The following AUTS2 variants were observed in gnomAD, a reference collection of about 807,000 sequenced individuals.
AUTS2 encodes the protein autism susceptibility gene 2 protein.
In AUTS2, 17 loss-of-function variants were observed where a neutral mutation model predicts 112.4. That is an observed-to-expected ratio of 0.15 (90% confidence interval 0.10 to 0.23). The LOEUF (loss-of-function observed/expected upper bound fraction) is 0.23. AUTS2 is among the 10% of genes least tolerant of loss of function. AUTS2 has a pLI of 1.00. For synonymous variants in AUTS2, 751 were observed against 702.7 expected (o/e 1.07, Z -1.09); for missense variants, 1,510 against 1,701.6 (o/e 0.89, Z 1.98).
chr7:69,741,704 T>TAAAAAAAAAAAAAAAAAAAAA (rs112536740), intron 1 of AUTS2, among the ~76,000 whole-genome samples: 1 of 140,240 alleles, frequency 7.1e-6, no homozygotes. Context: ...AACCCTGTCT[T>TAAAAAAAAAAAAAAAAAAAAA]AAAAAAAAAA....
intron 1 of AUTS2, among the ~76,000 whole-genome samples, chr7:69,667,289 T>C (rs569591517): frequency 6.6e-6 from 1 of 152,138 alleles, no homozygotes; most frequent in African/African-American, 2.4e-5. Flanking sequence ...TCAATGTGAG[T>C]TTTGGAGCAG....
intron 1 of AUTS2, among the ~76,000 whole-genome samples, chr7:69,700,284 G>C (rs551858932): frequency 6.6e-6 from 1 of 151,640 alleles, no homozygotes; most frequent in Non-Finnish European, 1.5e-5. Context: ...CAACAGTCTG[G>C]TTATATTTCT....
intron 4 of AUTS2, among the ~76,000 whole-genome samples, chr7:70,380,464 C>G (rs906199298): frequency 2.6e-5 from 4 of 152,216 alleles, no homozygotes; most frequent in Non-Finnish European, 5.9e-5. Context: ...ACCGCAAAAG[C>G]AGTCCCCCTT....
At chr7:69,760,684 G>T (rs1172913813) in intron 1 of AUTS2, among the ~76,000 whole-genome samples, 1 of 152,142 alleles carries the variant, frequency 6.6e-6, no homozygotes, top group Non-Finnish European at 1.5e-5. Context: ...AGCTGGGCGT[G>T]GTGGCACAAG....
intron 9 of AUTS2, among the ~76,000 whole-genome samples, chr7:70,767,061 T>C (rs1329376981): frequency 6.6e-6 from 1 of 152,218 alleles, no homozygotes; most frequent in African/African-American, 2.4e-5. Context: ...CATATTAGAA[T>C]GCTAAATATT....
intron 1 of AUTS2, among the ~76,000 whole-genome samples, chr7:69,787,138 A>G (rs1789413033): frequency 6.6e-6 from 1 of 152,240 alleles, no homozygotes; most frequent in Non-Finnish European, 1.5e-5. Context: ...ATGGTTTTCC[A>G]AGACTCTTGA....
At position 69,693,575 on chromosome 7, in the gene AUTS2, C is replaced by T. The variant is rs984275907; in HGVS notation, c.309+93613C>T. 5.3e-5 allele frequency among the ~76,000 whole-genome samples: 8 copies of T among 152,254 alleles called. No individual in the cohort carries two copies. In the South Asian group the frequency reaches 1.7e-3, roughly 32 times the overall value. ...ACCTTTTCTTTTACCTTTAAGATTC[C>T]TGCATTTTCATGTGCTCATTCAGCT... On this transcript the variant is annotated intron_variant, in intron 1 of 18. Transcript: ENST00000342771.
intron 1 of AUTS2, among the ~76,000 whole-genome samples, chr7:69,639,164 C>T (rs1341235529): frequency 6.6e-6 from 1 of 152,168 alleles, no homozygotes; most frequent in Admixed American, 6.5e-5. Context: ...ATACTGTACT[C>T]TTAGGTTCCA....
chr7:70,516,341 G>A (rs566614200), intron 5 of AUTS2, among the ~76,000 whole-genome samples: 4 of 152,270 alleles, frequency 2.6e-5, no homozygotes, highest in African/African-American at 9.6e-5. Flanking sequence ...TCAGTTTCCG[G>A]CATGGTACTG....
intron 6 of AUTS2, among the ~76,000 whole-genome samples, chr7:70,710,921 A>G (rs1428154755): frequency 6.6e-6 from 1 of 152,250 alleles, no homozygotes; most frequent in Non-Finnish European, 1.5e-5. Flanking sequence ...GCCCTGTATA[A>G]TGACCTCTTC....
intron 5 of AUTS2, among the ~76,000 whole-genome samples, chr7:70,441,926 T>G (rs1796137345): frequency 6.6e-6 from 1 of 152,194 alleles, no homozygotes; most frequent in Admixed American, 6.6e-5. Context: ...TGGTTGGCCA[T>G]GTTTCACACT....
At chr7:70,184,799 T>C (rs556591859) in intron 4 of AUTS2, among the ~76,000 whole-genome samples, 1 of 152,298 alleles carries the variant, frequency 6.6e-6, no homozygotes, top group East Asian at 1.9e-4. Context: ...CTGAGGAAAC[T>C]ATGCCCTGGG....
chr7:70,735,830 C>T (rs1217491977), intron 6 of AUTS2, among the ~76,000 whole-genome samples: 1 of 152,164 alleles, frequency 6.6e-6, no homozygotes, highest in African/African-American at 2.4e-5. Context: ...ATGAACGGAA[C>T]TACAAATCTT....
intron 2 of AUTS2, among the ~76,000 whole-genome samples, chr7:70,098,876 A>G (rs1186947587): frequency 6.6e-6 from 1 of 151,464 alleles, no homozygotes; most frequent in Non-Finnish European, 1.5e-5. Flanking sequence ...CTAATTTTTT[A>G]TTTTTAGTAG....
At chr7:70,651,338 C>A (rs374185855) in intron 5 of AUTS2, among the ~76,000 whole-genome samples, 1 of 152,156 alleles carries the variant, frequency 6.6e-6, no homozygotes, top group Non-Finnish European at 1.5e-5. Context: ...AGCAAACTCA[C>A]GAAACTGGGA....
chr7:70,386,043 A>G (rs1793592616), intron 4 of AUTS2, among the ~76,000 whole-genome samples: 1 of 152,234 alleles, frequency 6.6e-6, no homozygotes. Context: ...GCCTGGGATT[A>G]TACTTTGAAA....
chr7:69,655,261 G>A (rs1410675958), intron 1 of AUTS2, among the ~76,000 whole-genome samples: 2 of 152,184 alleles, frequency 1.3e-5, no homozygotes, highest in Non-Finnish European at 2.9e-5. Flanking sequence ...CGCTTATACA[G>A]CAAAGCAAAC....
chr7:70,049,201 A>C (rs1329254561), intron 2 of AUTS2, among the ~76,000 whole-genome samples: 1 of 152,212 alleles, frequency 6.6e-6, no homozygotes, highest in Non-Finnish European at 1.5e-5. Flanking sequence ...GGCTGTTTCA[A>C]ATTTTTAATT....
chr7:70,035,503 A>G (rs1161857399), intron 2 of AUTS2, among the ~76,000 whole-genome samples: 1 of 152,170 alleles, frequency 6.6e-6, no homozygotes, highest in Admixed American at 6.5e-5. Flanking sequence ...CTTTTTGTCT[A>G]GACTTGCCAT....
Sources: allele counts gnomAD v4.1 joint callset (sites outside exome capture counted in the v4.1 genomes callset), GRCh38; gene constraint gnomAD v4.1.1; transcripts MANE v1.5; gene names NCBI Gene and HGNC (gene_info 2026-07-23, HGNC 2026-07-21).